Variants in ALK observed in about 807,000 individuals in gnomAD.
ALK encodes the protein ALK receptor tyrosine kinase.
ALK carries 74 observed loss-of-function variants against 163.1 expected under a neutral mutation model. The ratio of observed to expected loss-of-function variants is 0.45; its 90% CI spans 0.38 to 0.55. The LOEUF (loss-of-function observed/expected upper bound fraction) is 0.55. Ranked by LOEUF, ALK falls within the 20% of genes least tolerant of loss-of-function variation. ALK has a pLI of 0.00. For synonymous variants in ALK, 960 were observed against 843.2 expected (o/e 1.14, Z -2.40); for missense variants, 2,063 against 2,105.3 (o/e 0.98, Z 0.39).
intron 3 of ALK, among the ~76,000 whole-genome samples, chr2:29,551,379 A>G (rs1673709280): frequency 1.3e-5 from 2 of 152,252 alleles, no homozygotes; most frequent in African/African-American, 4.8e-5. Context: ...GCTTTCTTTT[A>G]CTGAGTACCA....
Position 29,374,226 on chromosome 2 carries a change from C to T in ALK, c.1282+9506G>A, listed in dbSNP as rs556315440. Among the ~76,000 whole-genome samples, 190 of 152,250 alleles carry T rather than the reference C, an allele frequency of 1.2e-3. 1 individual carries two copies. The highest frequency in any genetic ancestry group is 2.0e-3 in the Admixed American group (30 of 15,298). ...CAAGCATTGTGCTAGGAGCTCTGCA[C>T]GCAACATCTGTTTTAATTTCCCAAA... is the stretch of plus-strand genomic sequence containing the variant. On this transcript the variant is annotated intron_variant, in intron 5 of 28. Coordinates refer to ENST00000389048, the MANE Select transcript of ALK (RefSeq NM_004304.5).
chr2:29,880,017 G>A (rs1373888619), intron 1 of ALK, among the ~76,000 whole-genome samples: 1 of 152,212 alleles, frequency 6.6e-6, no homozygotes, highest in Admixed American at 6.5e-5. Context: ...CAGATTTAAA[G>A]CAGATCCAAG....
chr2:29,664,760 C>T (rs994687827), intron 3 of ALK, among the ~76,000 whole-genome samples: 3 of 152,202 alleles, frequency 2.0e-5, no homozygotes, highest in Admixed American at 2.0e-4. Context: ...ACTACTGAAC[C>T]TTTACTCTGT....
chr2:29,888,427 A>C (rs888482038), intron 1 of ALK, among the ~76,000 whole-genome samples: 5 of 152,142 alleles, frequency 3.3e-5, no homozygotes, highest in Non-Finnish European at 7.4e-5. Flanking sequence ...AGCTGTTATA[A>C]ATTATCATTC....
At chr2:29,476,125 T>C (rs1031758298) in intron 4 of ALK, among the ~76,000 whole-genome samples, 2 of 152,122 alleles carry the variant, frequency 1.3e-5, no homozygotes, top group African/African-American at 4.8e-5. Context: ...GGTTTGTTGC[T>C]CACTTTACAG....
rs749399627 is a variant in ALK, at chr2:29,227,093, G to A, written c.2915-19C>T. On this transcript the variant is annotated intron_variant, in intron 17 of 28. Transcript: ENST00000389048. This position sits in a 1 kb window ranked among gnomAD's most constrained non-coding sequence, Gnocchi z 4.4. ...TCCATCACTAGTGACAAGGAGGGAG[G>A]GTCAGTCTTGGGCCGAGCCTGCCTC... 11 of 1,613,880 alleles carry A rather than the reference G, an allele frequency of 6.8e-6. No individual in the cohort carries two copies. Among genetic ancestry groups the A allele is most frequent in the African/African-American group, 1.3e-5 (1 of 74,872 alleles).
At chr2:29,683,437 G>A (rs1279520779) in intron 3 of ALK, among the ~76,000 whole-genome samples, 1 of 152,008 alleles carries the variant, frequency 6.6e-6, no homozygotes, top group African/African-American at 2.4e-5. Flanking sequence ...CGAATCACCA[G>A]TAAGGATCCC....
chr2:29,783,574 AG>A lies in ALK; in HGVS notation c.668-65878del, dbSNP rs1663905112. Reference sequence around the variant, plus strand: ...GTGACTGTAAATTTTTTTGATTGCAAGAAAAAAATTAAAAATATCCTCAGTC... The same window carrying A: ...GTGACTGTAAATTTTTTTGATTGCAAAAAAAAATTAAAAATATCCTCAGTC... On this transcript the variant is annotated intron_variant, in intron 1 of 28. Transcript: ENST00000389048. 1.8e-4 allele frequency among the ~76,000 whole-genome samples: 28 copies of A among 152,366 alleles called. No homozygotes were observed. The South Asian group carries it at 5.8e-3, about 32-fold the overall frequency.
intron 3 of ALK, among the ~76,000 whole-genome samples, chr2:29,693,591 T>C (rs1015314710): frequency 6.6e-6 from 1 of 152,220 alleles, no homozygotes; most frequent in Non-Finnish European, 1.5e-5. Flanking sequence ...GGTTCTTTGA[T>C]GACAAGGTAG....
intron 2 of ALK, 146 bp downstream of exon 2, chr2:29,717,432 A>AG (rs1679293247): frequency 1.1e-6 from 1 of 951,942 alleles, no homozygotes; most frequent in Non-Finnish European, 1.6e-6. Context: ...CGTCACTGGG[A>AG]GACAGAGGGC....
chr2:29,920,542 G>A lies in ALK; in HGVS notation c.118C>T (p.Pro40Ser), dbSNP rs371679329. 3.4e-5 allele frequency: 55 copies of A among 1,607,466 alleles called. No homozygotes were observed. The African/African-American group carries it at 6.5e-4, about 19-fold the overall frequency. The change falls in exon 1 of 29, where the codon CCC becomes TCC. Residue 40 changes from proline (P) to serine (S), a missense_variant. Physicochemically the swap from Pro to Ser is moderately conservative, Grantham distance 74 (BLOSUM62 -1). Transcript: ENST00000389048. Reference protein sequence around the residue: ...GSPAAGPPLQPREPLSYSRLQ... With the variant: ...GSPAAGPPLQSREPLSYSRLQ... The stretch of plus-strand genomic sequence containing the variant: ...CGCGAGTAGCTGAGTGGCTCCCGGG[G>A]CTGCAGCGGCGGCCCCGCAGCTGGG...
In ALK at chr2:29,772,627, C is replaced by A. The variant is rs13403173; in HGVS notation, c.668-54930G>T. 5.2e-3 allele frequency among the ~76,000 whole-genome samples: 786 copies of A among 152,304 alleles called. 6 individuals are homozygous for A. The highest frequency in any genetic ancestry group is 0.018 in the African/African-American group (750 of 41,562). On this transcript the variant is annotated intron_variant, in intron 1 of 28. Coordinates refer to ENST00000389048, the MANE Select transcript of ALK (RefSeq NM_004304.5). ...AAGTGTATTATTTACAGAAGTCTAG[C>A]TGTATGCCCCCCTAAAACAGCTGAA...
chr2:29,860,165 C>T lies in ALK; in HGVS notation c.667+59828G>A, dbSNP rs138466394. 1.5e-3 allele frequency among the ~76,000 whole-genome samples: 223 copies of T among 152,290 alleles called. 2 individuals are homozygous for T. Among genetic ancestry groups the T allele is most frequent in the African/African-American group, 5.2e-3 (217 of 41,564 alleles). On this transcript the variant is annotated intron_variant, in intron 1 of 28. Transcript: ENST00000389048. ...TCCCCTTGGAAGCTGTGGTCTGAGG[C>T]TTATCCCAGGGGAAGAAATTCTTAA...
chr2:29,284,214 G>T (rs564860055), intron 9 of ALK, among the ~76,000 whole-genome samples: 2 of 152,278 alleles, frequency 1.3e-5, no homozygotes, highest in South Asian at 4.2e-4. Flanking sequence ...CACCAGTCAG[G>T]CAGCTGGAAA....
intron 11 of ALK, among the ~76,000 whole-genome samples, chr2:29,265,884 AG>A (rs1262354338): frequency 6.6e-6 from 1 of 152,178 alleles, no homozygotes; most frequent in Admixed American, 6.5e-5. Context: ...GCTACTTGGG[AG>A]GCTGAGGCAG....
At position 29,907,986 on chromosome 2, in the gene ALK, C is replaced by A. The variant is rs1667594331; in HGVS notation, c.667+12007G>T. Among the ~76,000 whole-genome samples the A allele has an allele frequency of 2.0e-5, 3 of 152,124 alleles. No individual in the cohort carries two copies. In the South Asian group the frequency reaches 6.2e-4, roughly 32 times the overall value. ...ATTTGTTCCTCTTATATCTGGGCAT[C>A]TATTGGCCCAGCTCTGACTCTTTCA... On this transcript the variant is annotated intron_variant, in intron 1 of 28. Transcript: ENST00000389048.
At chr2:29,545,286 A>T (rs1673524935) in intron 3 of ALK, among the ~76,000 whole-genome samples, 1 of 152,142 alleles carries the variant, frequency 6.6e-6, no homozygotes, top group Non-Finnish European at 1.5e-5. Context: ...TCCTTTGTTC[A>T]TGTGGTCTTA....
At chr2:29,853,656 C>T (rs2148402368) in intron 1 of ALK, among the ~76,000 whole-genome samples, 1 of 152,340 alleles carries the variant, frequency 6.6e-6, no homozygotes, top group South Asian at 2.1e-4. Flanking sequence ...CATCTGCCAA[C>T]TCAAACCTCA....
At chr2:29,509,148 G>T (rs1464539890) in intron 4 of ALK, among the ~76,000 whole-genome samples, 1 of 152,140 alleles carries the variant, frequency 6.6e-6, no homozygotes, top group Non-Finnish European at 1.5e-5. Context: ...GGAAAAGAGA[G>T]TCAATTTTGT....
Sources: allele counts gnomAD v4.1 joint callset (sites outside exome capture counted in the v4.1 genomes callset), GRCh38; gene constraint gnomAD v4.1.1; non-coding constraint Gnocchi (gnomAD v3.1); transcripts MANE v1.5; gene names NCBI Gene and HGNC (gene_info 2026-07-23, HGNC 2026-07-21).